The following HEMK2 variants were observed in gnomAD, a reference collection of about 807,000 sequenced individuals.
The protein encoded by HEMK2 is methyltransferase HEMK2.
the HEMK2 span, among the ~76,000 whole-genome samples, chr21:28,787,026 T>C: frequency 6.6e-6 from 1 of 152,042 alleles, no homozygotes; most frequent in Non-Finnish European, 1.5e-5. Context: ...CATAGACCAA[T>C]GGAACAGAAG....
At chr21:28,589,314 TA>T in the HEMK2 span, among the ~76,000 whole-genome samples, 3 of 152,068 alleles carry the variant, frequency 2.0e-5, no homozygotes, top group Admixed American at 6.5e-5. Flanking sequence ...TGCAGTTTTT[TA>T]AAAAAACCAT....
At chr21:28,813,944 T>G in the HEMK2 span, among the ~76,000 whole-genome samples, 2 of 152,088 alleles carry the variant, frequency 1.3e-5, no homozygotes, top group South Asian at 2.1e-4. Flanking sequence ...GATTAAAGAC[T>G]TAAACATGGG....
chr21:28,647,508 CAAA>C, the HEMK2 span, among the ~76,000 whole-genome samples: 1 of 111,856 alleles, frequency 8.9e-6, no homozygotes, highest in East Asian at 2.5e-4. Context: ...AACTCCATCT[CAAA>C]AAAAAAAAAA....
At chr21:28,681,075 T>C in the HEMK2 span, among the ~76,000 whole-genome samples, 1 of 152,070 alleles carries the variant, frequency 6.6e-6, no homozygotes, top group Non-Finnish European at 1.5e-5. Flanking sequence ...GAGAAGGAAA[T>C]AAAGGGCATT....
chr21:28,836,211 G>T, the HEMK2 span, among the ~76,000 whole-genome samples: 1 of 152,110 alleles, frequency 6.6e-6, no homozygotes, highest in African/African-American at 2.4e-5. Context: ...TAAGACGAAG[G>T]AAAGAATCTT....
the HEMK2 span, among the ~76,000 whole-genome samples, chr21:28,578,610 G>C: frequency 6.6e-6 from 1 of 152,138 alleles, no homozygotes. Context: ...GGATCCCATG[G>C]GAGGATCACA....
the HEMK2 span, among the ~76,000 whole-genome samples, chr21:28,831,554 A>G: frequency 5.8e-5 from 5 of 85,566 alleles, no homozygotes; most frequent in Admixed American, 2.6e-4. Flanking sequence ...AAAGAAGGAA[A>G]GAAGGAAAGA....
At chr21:28,643,274 A>T in the HEMK2 span, among the ~76,000 whole-genome samples, 1 of 152,170 alleles carries the variant, frequency 6.6e-6, no homozygotes, top group African/African-American at 2.4e-5. Context: ...GGAGGTTGGG[A>T]CTTCAGAAGG....
At chr21:28,646,195 A>G in the HEMK2 span, among the ~76,000 whole-genome samples, 3 of 152,192 alleles carry the variant, frequency 2.0e-5, no homozygotes, top group African/African-American at 7.2e-5. Flanking sequence ...CAGCATATGG[A>G]TGACTATGAA....
chr21:28,767,324 A>G, the HEMK2 span, among the ~76,000 whole-genome samples: 1 of 152,138 alleles, frequency 6.6e-6, no homozygotes, highest in South Asian at 2.1e-4. Context: ...AGACTAATAC[A>G]CCATGTAACC....
the HEMK2 span, among the ~76,000 whole-genome samples, chr21:28,680,740 G>T: frequency 6.6e-6 from 1 of 152,146 alleles, no homozygotes; most frequent in Non-Finnish European, 1.5e-5. Context: ...TGCAAGGCTG[G>T]TTCAACATAT....
the HEMK2 span, among the ~76,000 whole-genome samples, chr21:28,589,309 T>G: frequency 7.5e-3 from 1,135 of 152,218 alleles, 19 homozygotes; most frequent in African/African-American, 0.026. Flanking sequence ...ACATATGCAG[T>G]TTTTTAAAAA....
chr21:28,781,973 G>A, the HEMK2 span, among the ~76,000 whole-genome samples: 1 of 152,208 alleles, frequency 6.6e-6, no homozygotes, highest in Admixed American at 6.5e-5. Context: ...GATTGTGCAG[G>A]ATGTGAACAA....
At chr21:28,816,711 G>C in the HEMK2 span, among the ~76,000 whole-genome samples, 1 of 152,146 alleles carries the variant, frequency 6.6e-6, no homozygotes, top group African/African-American at 2.4e-5. Context: ...TAAGAGAAGA[G>C]ATACAGCTGA....
At chr21:28,770,703 C>T in the HEMK2 span, among the ~76,000 whole-genome samples, 1,492 of 152,114 alleles carry the variant, frequency 9.8e-3, 20 homozygotes, top group Admixed American at 0.015. Context: ...TCGCTCTCAC[C>T]TTCCACCATG....
At chr21:28,593,196 C>CA in the HEMK2 span, among the ~76,000 whole-genome samples, 19 of 151,254 alleles carry the variant, frequency 1.3e-4, no homozygotes, top group African/African-American at 2.4e-4. Context: ...GACTTTGTCT[C>CA]AAAAAAAATA....
At chr21:28,747,851 A>G in the HEMK2 span, among the ~76,000 whole-genome samples, 2 of 152,254 alleles carry the variant, frequency 1.3e-5, no homozygotes, top group African/African-American at 4.8e-5. Context: ...CTCTTGGCCA[A>G]TTTAACTGAT....
the HEMK2 span, among the ~76,000 whole-genome samples, chr21:28,688,949 G>T: frequency 5.3e-5 from 8 of 152,098 alleles, no homozygotes; most frequent in African/African-American, 1.9e-4. Context: ...TTCATATGCT[G>T]TCAGGCTACA....
chr21:28,768,688 A>G, the HEMK2 span, among the ~76,000 whole-genome samples: 2 of 152,014 alleles, frequency 1.3e-5, no homozygotes, highest in African/African-American at 4.8e-5. Flanking sequence ...CTTTCCCTCC[A>G]GTTTCTTGAT....
Sources: gnomAD v4.1 joint callset for allele counts (sites outside exome capture counted in the v4.1 genomes callset) on GRCh38, gnomAD v4.1.1 for gene constraint, MANE v1.5 for transcripts, NCBI Gene and HGNC (gene_info 2026-07-23, HGNC 2026-07-21) for gene names.